Variants in SDK1 observed in about 807,000 individuals in gnomAD.
SDK1 encodes the protein sidekick cell adhesion molecule 1.
SDK1 carries 157 observed loss-of-function variants against 245.5 expected under a neutral mutation model. The observed-to-expected ratio is 0.64, with a 90% CI of 0.56 to 0.73. SDK1 has a LOEUF of 0.73. Among genes scored for constraint, SDK1 ranks in the 30% least tolerant of loss-of-function variants. The pLI, the probability that SDK1 is intolerant of heterozygous loss-of-function variation, is 0.00. For synonymous variants in SDK1, 1,647 were observed against 1,278.5 expected (o/e 1.29, Z -6.15); for missense variants, 3,583 against 3,002.3 (o/e 1.19, Z -4.52).
At chr7:3,760,558 T>A (rs549339575) in intron 4 of SDK1, among the ~76,000 whole-genome samples, 1 of 152,368 alleles carries the variant, frequency 6.6e-6, no homozygotes, top group East Asian at 1.9e-4. Flanking sequence ...TAAATAAATG[T>A]CTTTTAAGGA....
chr7:3,709,351 A>G (rs968183140), intron 4 of SDK1, among the ~76,000 whole-genome samples: 2 of 152,166 alleles, frequency 1.3e-5, no homozygotes, highest in African/African-American at 4.8e-5. Context: ...CATGCTGGAG[A>G]CTGGGCATGC....
At position 3,403,868 on chromosome 7, in the gene SDK1, T is replaced by TAA. The variant is rs1554266477; in HGVS notation, c.298+101985_298+101986dup. Among the ~76,000 whole-genome samples, 100 of 108,896 alleles carry TAA rather than the reference T, an allele frequency of 9.2e-4. 1 individual carries two copies. The highest frequency in any genetic ancestry group is 1.8e-3 in the East Asian group (7 of 3,924). The allele number at this position is 108,896 out of a possible 152,430, so 71.4% of individuals were successfully genotyped here. On this transcript the variant is annotated intron_variant, in intron 1 of 44. Transcript: ENST00000404826. ...ATATATATATATATATATATATATATAATATATATATTTATTTATATTATA... is the reference window on the plus strand; with the variant it reads ...ATATATATATATATATATATATATATAAAATATATATATTTATTTATATTATA...
At chr7:3,681,775 A>G (rs774650307) in intron 4 of SDK1, among the ~76,000 whole-genome samples, 20 of 152,206 alleles carry the variant, frequency 1.3e-4, no homozygotes, top group Non-Finnish European at 2.5e-4. Context: ...CAGCCAAAAG[A>G]TAGCTTTCTA....
chr7:3,859,535 A>C lies in SDK1; in HGVS notation c.847+37952A>C, dbSNP rs1293457054. Among the ~76,000 whole-genome samples the C allele has an allele frequency of 2.0e-5, 3 of 152,240 alleles. No homozygotes were observed. In the South Asian group the frequency reaches 6.2e-4, roughly 32 times the overall value. On this transcript the variant is annotated intron_variant, in intron 5 of 44. Transcript: ENST00000404826. ...GTTTTTTCTGTCTTTCTGCTCTACCATTCTCAGCATTGGCTTCATCCCAAA... is the reference window on the plus strand; with the variant it reads ...GTTTTTTCTGTCTTTCTGCTCTACCCTTCTCAGCATTGGCTTCATCCCAAA...
chr7:3,595,828 CAAAAAAAAAAAAAAA>C (rs35037283), intron 1 of SDK1, among the ~76,000 whole-genome samples: 3 of 54,024 alleles, frequency 5.6e-5, no homozygotes, highest in Non-Finnish European at 9.5e-5. Flanking sequence ...GACTTCATCT[CAAAAAAAAAAAAAAA>C]AAAAAAAAAA....
At chr7:3,328,902 G>T (rs1780000160) in intron 1 of SDK1, among the ~76,000 whole-genome samples, 1 of 152,060 alleles carries the variant, frequency 6.6e-6, no homozygotes, top group Non-Finnish European at 1.5e-5. Context: ...ACTTTGTGCA[G>T]TTTGACATAT....
intron 19 of SDK1, among the ~76,000 whole-genome samples, chr7:4,056,964 G>A (rs1340036439): frequency 6.6e-6 from 1 of 152,134 alleles, no homozygotes; most frequent in Non-Finnish European, 1.5e-5. Context: ...GCTGGCTGCT[G>A]CCACCAGAGG....
chr7:3,406,424 AT>A (rs930920448), intron 1 of SDK1, among the ~76,000 whole-genome samples: 2 of 151,980 alleles, frequency 1.3e-5, no homozygotes, highest in Non-Finnish European at 2.9e-5. Context: ...TCCCTGGGTT[AT>A]TTTTTTCCTC....
At chr7:3,492,451 G>A (rs1237655055) in intron 1 of SDK1, among the ~76,000 whole-genome samples, 23 of 152,164 alleles carry the variant, frequency 1.5e-4, no homozygotes, top group Admixed American at 1.4e-3. Flanking sequence ...CCGAGATCAC[G>A]CCACCACACT....
chr7:3,741,650 G>GT (rs772222125), intron 4 of SDK1, among the ~76,000 whole-genome samples: 1 of 152,102 alleles, frequency 6.6e-6, no homozygotes, highest in Non-Finnish European at 1.5e-5. Flanking sequence ...AGCTAGGAGT[G>GT]TATCATTTAC....
chr7:3,580,701 G>C (rs1393560702), intron 1 of SDK1, among the ~76,000 whole-genome samples: 1 of 152,102 alleles, frequency 6.6e-6, no homozygotes, highest in Non-Finnish European at 1.5e-5. Flanking sequence ...GGGCGTGGTG[G>C]CTCACGCCTG....
chr7:3,591,081 A>G (rs1404805023), intron 1 of SDK1, among the ~76,000 whole-genome samples: 1 of 152,188 alleles, frequency 6.6e-6, no homozygotes, highest in East Asian at 1.9e-4. Flanking sequence ...TTCTTTAATC[A>G]TATTATTTGT....
At chr7:3,579,526 A>G (rs187247564) in intron 1 of SDK1, among the ~76,000 whole-genome samples, 2 of 152,350 alleles carry the variant, frequency 1.3e-5, no homozygotes, top group South Asian at 2.1e-4. Flanking sequence ...GAAAACCTCA[A>G]AATAATAAGA....
chr7:3,601,049 C>A (rs540811763), intron 1 of SDK1, among the ~76,000 whole-genome samples: 2 of 151,938 alleles, frequency 1.3e-5, no homozygotes, highest in African/African-American at 4.8e-5. Context: ...AATGTTGAAC[C>A]AGCCTTACAT....
intron 4 of SDK1, among the ~76,000 whole-genome samples, chr7:3,810,885 G>T (rs148264998): frequency 2.6e-5 from 4 of 152,170 alleles, no homozygotes; most frequent in Non-Finnish European, 4.4e-5. Flanking sequence ...ATTATTACAT[G>T]TACGCTCTTG....
chr7:4,178,338 G>A (rs1183233460), intron 34 of SDK1, 147 bp from the exon 35 acceptor site: 10 of 688,978 alleles, frequency 1.5e-5, no homozygotes, highest in African/African-American at 7.1e-5. Context: ...CGGTCACAGT[G>A]GATGCAGGTA....
intron 1 of SDK1, among the ~76,000 whole-genome samples, chr7:3,598,426 C>T (rs1223204264): frequency 1.3e-5 from 2 of 152,130 alleles, no homozygotes; most frequent in African/African-American, 4.8e-5. Context: ...ATTGTAGACT[C>T]AAATGCAATT....
chr7:4,045,273 T>C (rs1788937544), intron 17 of SDK1, among the ~76,000 whole-genome samples: 1 of 151,842 alleles, frequency 6.6e-6, no homozygotes, highest in Non-Finnish European at 1.5e-5. Flanking sequence ...AGACAGGGTC[T>C]CACTCTGTGC....
At chr7:4,102,954 T>TAAA (rs34174910) in intron 22 of SDK1, among the ~76,000 whole-genome samples, 6 of 113,234 alleles carry the variant, frequency 5.3e-5, no homozygotes, top group East Asian at 3.2e-4. Context: ...TAAAAAAAGT[T>TAAA]AAAAAAAAAA....
Sources: allele counts gnomAD v4.1 joint callset (sites outside exome capture counted in the v4.1 genomes callset), GRCh38; gene constraint gnomAD v4.1.1; transcripts MANE v1.5; gene names NCBI Gene and HGNC (gene_info 2026-07-23, HGNC 2026-07-21).